RET: variants seen among roughly 807,000 people sequenced by gnomAD.
RET encodes the protein proto-oncogene tyrosine-protein kinase receptor Ret.
Under a neutral mutation model 118.3 loss-of-function variants are expected in RET, and 19 were observed. The ratio of observed to expected loss-of-function variants is 0.16; its 90% CI spans 0.11 to 0.24. The LOEUF (loss-of-function observed/expected upper bound fraction) is 0.24, where lower values mean the gene tolerates loss of function less well. Ranked by LOEUF, RET falls within the 10% of genes least tolerant of loss-of-function variation. The pLI, the probability that RET is intolerant of heterozygous loss-of-function variation, is 1.00. For missense variants in RET, 1,219 were observed against 1,502.1 expected (o/e 0.81, Z 3.12); for synonymous variants, 597 against 644.1 (o/e 0.93, Z 1.11).
chr10:43,127,471 C>T, intron 19 of RET: 2 of 1,043,598 alleles, frequency 1.9e-6, no homozygotes, highest in Non-Finnish European at 2.3e-6. Context: ...TGCCAAAACT[C>T]CTTCTTTTGT....
chr10:43,123,555 T>A, intron 16 of RET, 116 bp from the exon 17 acceptor site: 2 of 1,363,988 alleles, frequency 1.5e-6, no homozygotes, highest in Non-Finnish European at 2.1e-6. Context: ...TGAGCATCTG[T>A]GCTTGAAGCC....
chr10:43,083,671 T>A (rs993056886), intron 1 of RET, among the ~76,000 whole-genome samples: 4 of 152,346 alleles, frequency 2.6e-5, no homozygotes. Flanking sequence ...CACTTCTGCC[T>A]ACCAGCTCTC....
At chr10:43,113,424 C>A (rs1837987590) in intron 9 of RET, 132 bp from the exon 10 acceptor site, 4 of 1,098,092 alleles carry the variant, frequency 3.6e-6, no homozygotes, top group Admixed American at 5.7e-5. Flanking sequence ...AGCTGCTGGG[C>A]CCCTGGCCTC....
chr10:43,079,905 G>A (rs1299801876), intron 1 of RET, among the ~76,000 whole-genome samples: 1 of 152,116 alleles, frequency 6.6e-6, no homozygotes, highest in Non-Finnish European at 1.5e-5. Context: ...GCTTCACCAG[G>A]TTCACCTGGG....
intron 1 of RET, among the ~76,000 whole-genome samples, chr10:43,093,947 G>T (rs1256462102): frequency 6.6e-6 from 1 of 152,078 alleles, no homozygotes; most frequent in Non-Finnish European, 1.5e-5. Flanking sequence ...AGGAGCAGCA[G>T]TGTGGCCAAG....
intron 9 of RET, among the ~76,000 whole-genome samples, 183 bp from the exon 10 acceptor site, chr10:43,113,373 T>C (rs1322594267): frequency 6.6e-6 from 1 of 152,114 alleles, no homozygotes; most frequent in East Asian, 1.9e-4. Context: ...CACCCATGGC[T>C]TCAGAAAGGC....
At chr10:43,105,269 C>A in intron 4 of RET, 76 bp downstream of exon 4, 1 of 1,599,674 alleles carries the variant, frequency 6.3e-7, no homozygotes. Context: ...GGTTTAGTGT[C>A]CGTGTAGCCA....
chr10:43,127,632 C>A, intron 19 of RET: 3 of 313,962 alleles, frequency 9.6e-6, no homozygotes, highest in African/African-American at 2.2e-5. Flanking sequence ...GTGTCTAGTG[C>A]CACACTCCAT....
Position 43,114,800 on chromosome 10 carries a change from GC to G in RET, c.2136+66del, listed in dbSNP as rs2132857182. 1 of 1,522,430 alleles carries G rather than the reference GC, an allele frequency of 6.6e-7. No individual in the cohort carries two copies. The highest frequency in any genetic ancestry group is 2.4e-5 in the East Asian group (1 of 41,180). 94.3% of individuals were successfully genotyped at this position (1,522,430 alleles called of 1,614,324 possible). Reference sequence around the variant, plus strand: ...CCCCAGCTGCCTTCCAGGGAGGGAGGCCAGCTGGGGAGACAGAGGCCATCCT... The same window carrying G: ...CCCCAGCTGCCTTCCAGGGAGGGAGGCAGCTGGGGAGACAGAGGCCATCCT... On this transcript the variant is annotated intron_variant, in intron 11 of 19. Coordinates refer to ENST00000355710, the MANE Select transcript of RET (RefSeq NM_020975.6). The surrounding 1 kb of genome is among the most constrained non-coding windows in gnomAD (Gnocchi z 4.6).
At chr10:43,100,066 G>T (rs1837603499) in intron 1 of RET, among the ~76,000 whole-genome samples, 1 of 152,224 alleles carries the variant, frequency 6.6e-6, no homozygotes, top group South Asian at 2.1e-4. Flanking sequence ...TTTAGATAAA[G>T]ATTTATGACT....
At chr10:43,120,626 C>T (rs1183416562) in intron 15 of RET, among the ~76,000 whole-genome samples, 1 of 152,244 alleles carries the variant, frequency 6.6e-6, no homozygotes, top group Non-Finnish European at 1.5e-5. Context: ...ACAAGTGAGG[C>T]TTCTCCCGCA....
Position 43,112,317 on chromosome 10 carries a change from C to A in RET, c.1648+93C>A. On this transcript the variant is annotated intron_variant, in intron 8 of 19. Transcript: ENST00000355710. ...GCCCTGCCAGCCTGGGGTGGCTCTC[C>A]CTGCTCCAGGTCTGCTTCTGGCACC... 2 of 1,524,784 alleles carry A rather than the reference C, an allele frequency of 1.3e-6. 1 individual carries two copies. The highest frequency in any genetic ancestry group is 2.4e-5 in the South Asian group (2 of 82,944). 94.5% of individuals were successfully genotyped at this position (1,524,784 alleles called of 1,614,324 possible).
intron 3 of RET, among the ~76,000 whole-genome samples, chr10:43,103,299 G>C (rs1438790846): frequency 1.3e-5 from 2 of 152,182 alleles, no homozygotes; most frequent in Admixed American, 6.5e-5. Flanking sequence ...TGTTAGGAAT[G>C]GTTTGGGGTG....
At chr10:43,085,826 T>C (rs1225952912) in intron 1 of RET, among the ~76,000 whole-genome samples, 1 of 152,138 alleles carries the variant, frequency 6.6e-6, no homozygotes, top group Non-Finnish European at 1.5e-5. Flanking sequence ...AGGACCTGGA[T>C]AACAGCATCC....
At chr10:43,113,254 G>A (rs573720113) in intron 9 of RET, among the ~76,000 whole-genome samples, 6 of 152,314 alleles carry the variant, frequency 3.9e-5, no homozygotes, top group East Asian at 3.9e-4. Flanking sequence ...GGGAAAGTGC[G>A]GCCCTGAGCC....
intron 1 of RET, among the ~76,000 whole-genome samples, chr10:43,091,393 C>CT (rs1490144116): frequency 6.6e-6 from 1 of 151,956 alleles, no homozygotes; most frequent in African/African-American, 2.4e-5. Context: ...CTTGGGGAGG[C>CT]TCACGCAGGC....
In RET at chr10:43,119,661, G is replaced by A. The variant is rs56195026; in HGVS notation, c.2523G>A (p.Pro841=). ...GSRNSSSLDH[P]DERALTMGDL... is the part of the protein sequence containing the mutation. Reference sequence around the variant, plus strand: ...GCAACTCCAGCTCCCTGGACCACCCGGATGAGCGGGCCCTCACCATGGGCG... The same window carrying A: ...GCAACTCCAGCTCCCTGGACCACCCAGATGAGCGGGCCCTCACCATGGGCG... The change falls in exon 14 of 20, where the codon CCG becomes CCA. Residue 841 remains proline (P), a synonymous_variant. Transcript: ENST00000355710. 4.9e-5 allele frequency: 79 copies of A among 1,613,336 alleles called. No individual in the cohort carries two copies. In the East Asian group the frequency reaches 1.4e-3, roughly 29 times the overall value.
chr10:43,126,098 TG>T (rs1418771363), intron 18 of RET, among the ~76,000 whole-genome samples: 4 of 152,136 alleles, frequency 2.6e-5, no homozygotes, highest in African/African-American at 4.8e-5. Context: ...ACGTTCTAGA[TG>T]GCAGGGGTCC....
chr10:43,129,875 GT>G lies in RET; in HGVS notation c.*1608del. 1 of 397,606 alleles carries G rather than the reference GT, an allele frequency of 2.5e-6. No homozygotes were observed. Among genetic ancestry groups the G allele is most frequent in the Non-Finnish European group, 4.4e-6 (1 of 225,288 alleles). 24.6% of individuals were successfully genotyped at this position (397,606 alleles called of 1,614,324 possible). Reference sequence around the variant, plus strand: ...CTGTTTTTCAGATACACTGTGATAAGTTCTTTTACAAATATCTATAGACATG... The same window carrying G: ...CTGTTTTTCAGATACACTGTGATAAGTCTTTTACAAATATCTATAGACATG... On this transcript the variant is annotated 3_prime_UTR_variant, in exon 20 of 20. Transcript: ENST00000355710.
Sources: gnomAD v4.1 joint callset for allele counts (sites outside exome capture counted in the v4.1 genomes callset) on GRCh38, gnomAD v4.1.1 for gene constraint, Gnocchi (gnomAD v3.1) non-coding constraint, MANE v1.5 for transcripts, NCBI Gene and HGNC (gene_info 2026-07-23, HGNC 2026-07-21) for gene names.